Variants in SLC2A14 observed in about 807,000 individuals in gnomAD.
SLC2A14 encodes the protein solute carrier family 2, facilitated glucose transporter member 14.
A neutral mutation model predicts 43.0 loss-of-function variants in SLC2A14; 13 were observed. The ratio of observed to expected loss-of-function variants is 0.30; its 90% CI spans 0.20 to 0.48. SLC2A14 has a LOEUF of 0.48. Ranked by LOEUF, SLC2A14 falls within the 20% of genes least tolerant of loss-of-function variation. SLC2A14 has a pLI of 0.99. For synonymous variants in SLC2A14, 190 were observed against 233.8 expected, an observed-to-expected ratio of 0.81 and a Z score of 1.71; for missense variants, 428 against 620.4, an observed-to-expected ratio of 0.69 and a Z score of 3.29.
intron 1 of SLC2A14, among the ~76,000 whole-genome samples, chr12:7,886,376 T>G (rs755050926): frequency 2.5e-5 from 2 of 78,768 alleles, no homozygotes; most frequent in South Asian, 8.0e-4. Context: ...ATTTATTTAT[T>G]TATTTATTTA....
At chr12:7,826,858 C>T (rs866591571) in intron 7 of SLC2A14, among the ~76,000 whole-genome samples, 2 of 43,240 alleles carry the variant, frequency 4.6e-5, no homozygotes, top group South Asian at 7.9e-4. Context: ...TCCTTCCTTT[C>T]TTTTTTCTTT....
chr12:7,825,630 G>A (rs1864290236), intron 7 of SLC2A14, among the ~76,000 whole-genome samples: 1 of 150,574 alleles, frequency 6.6e-6, no homozygotes, highest in African/African-American at 2.4e-5. Flanking sequence ...GGGCATGGTG[G>A]CACGTGCCTG....
intron 10 of SLC2A14, among the ~76,000 whole-genome samples, chr12:7,816,068 T>C (rs1157360217): frequency 7.0e-6 from 1 of 143,374 alleles, no homozygotes; most frequent in East Asian, 2.1e-4. Context: ...ACCCAGCTAA[T>C]TTCTTGAATT....
rs765156443 is a variant in SLC2A14, at chr12:7,885,413, C to T, written c.132+5583G>A. Among the ~76,000 whole-genome samples, 6 of 151,956 alleles carry T rather than the reference C, an allele frequency of 3.9e-5. No individual in the cohort carries two copies. The South Asian group carries it at 1.0e-3, about 26-fold the overall frequency. ...CCAGGAGAGGGAGGTTGCAGTGAGC[C>T]GAGATAATGCCATGGCACTCCAGCC... On this transcript the variant is annotated intron_variant, in intron 1 of 9. Coordinates refer to the SLC2A14 transcript ENST00000539924.
At position 7,832,572 on chromosome 12, in the gene SLC2A14, C is replaced by T. The variant is rs1325925785; in HGVS notation, c.111+150G>A. On this transcript the variant is annotated intron_variant, in intron 3 of 10. Coordinates refer to ENST00000431042, the MANE Select transcript of SLC2A14 (RefSeq NM_001286234.2). Reference sequence around the variant, plus strand: ...CTCAGGATGGTGTTTAACTCCTGGGCTCAAGTGATCTTTAAGCCTCAGCCT... The same window carrying T: ...CTCAGGATGGTGTTTAACTCCTGGGTTCAAGTGATCTTTAAGCCTCAGCCT... The T allele has an allele frequency of 9.1e-6, 7 of 772,080 alleles. No individual in the cohort carries two copies. The Admixed American group carries it at 1.7e-4, about 18-fold the overall frequency. The allele number at this position is 772,080 out of a possible 1,614,324, so 47.8% of individuals were successfully genotyped here. A position where few individuals can be genotyped will look rare whatever the true frequency, so the allele number is the denominator to read the frequency against.
chr12:7,852,136 A>G (rs994643614), intron 2 of SLC2A14, among the ~76,000 whole-genome samples: 30 of 152,298 alleles, frequency 2.0e-4, no homozygotes, highest in African/African-American at 6.7e-4. Flanking sequence ...GAAGAAAAAC[A>G]GGATTACTTA....
intron 2 of SLC2A14, chr12:7,839,922 TACAAAAAAAAAAAA>T: frequency 8.7e-5 from 6 of 68,644 alleles, no homozygotes; most frequent in East Asian, 4.0e-4. Flanking sequence ...ACCCTGTCTC[TACAAAAAAAAAAAA>T]AAAAAAAAAA....
intron 1 of SLC2A14, among the ~76,000 whole-genome samples, chr12:7,881,381 C>T (rs1227703737): frequency 1.2e-4 from 18 of 151,760 alleles, no homozygotes; most frequent in Admixed American, 6.6e-5. Flanking sequence ...AGCGGCCGGC[C>T]GGCCGGCCCT....
At chr12:7,830,055 C>T in intron 4 of SLC2A14, 49 bp from the exon 5 acceptor site, 2 of 1,609,908 alleles carry the variant, frequency 1.2e-6, no homozygotes, top group African/African-American at 2.7e-5. Flanking sequence ...TGAGAGGCTC[C>T]TAACTTCTCC....
chr12:7,839,936 A>G (rs1406255491), intron 2 of SLC2A14: 1 of 224,142 alleles, frequency 4.5e-6, no homozygotes, highest in African/African-American at 6.3e-5. Context: ...AAAAAAAAAA[A>G]AAAAAAAAAA....
Position 7,829,852 on chromosome 12 carries a change from T to C in SLC2A14, c.427A>G (p.Ile143Val), listed in dbSNP as rs145971771. 1.9e-5 allele frequency: 31 copies of C among 1,614,026 alleles called. No homozygotes were observed. In the African/African-American group the frequency reaches 3.6e-4, roughly 19 times the overall value. The change falls in exon 5 of 11, where the codon ATT (isoleucine) becomes GTT (valine). Residue 143 changes from isoleucine to valine, a missense_variant. Physicochemically the swap from Ile to Val is conservative, Grantham distance 29 (BLOSUM62 3). Transcript: ENST00000431042. The part of the protein sequence containing the change: ...GLCTGFVPMY[I>V]GEISPTALRG... The stretch of plus-strand genomic sequence containing the variant: ...AGGGCAGTAGGCGAGATCTCTCCAA[T>C]GTACATGGGCACAAAACCTGTGCAG...
intron 7 of SLC2A14, among the ~76,000 whole-genome samples, chr12:7,822,393 T>C (rs1414445468): frequency 1.3e-5 from 2 of 151,482 alleles, no homozygotes; most frequent in Non-Finnish European, 2.9e-5. Flanking sequence ...GTAGGCTGGG[T>C]GCAGTGGCTC....
At chr12:7,852,599 TG>T (rs1265042387) in intron 2 of SLC2A14, among the ~76,000 whole-genome samples, 1 of 152,178 alleles carries the variant, frequency 6.6e-6, no homozygotes, top group Non-Finnish European at 1.5e-5. Flanking sequence ...TACAGAGGCT[TG>T]TCCCATGCAT....
intron 1 of SLC2A14, among the ~76,000 whole-genome samples, chr12:7,887,063 C>T (rs772769009): frequency 6.6e-6 from 1 of 151,880 alleles, no homozygotes; most frequent in Non-Finnish European, 1.5e-5. Context: ...AGGCACCCAC[C>T]ACCACGCCCG....
intron 2 of SLC2A14, among the ~76,000 whole-genome samples, chr12:7,862,062 G>T (rs1191450912): frequency 6.6e-6 from 1 of 151,162 alleles, no homozygotes; most frequent in Non-Finnish European, 1.5e-5. Context: ...TGAGGAGTTT[G>T]AGACCAGCTT....
At chr12:7,827,117 TTATTTCTTTC>T (rs1864559830) in intron 7 of SLC2A14, among the ~76,000 whole-genome samples, 1 of 136,734 alleles carries the variant, frequency 7.3e-6, no homozygotes, top group South Asian at 2.3e-4. Context: ...TTCTTTCTTT[TTATTTCTTTC>T]TATAAGGAGT....
At chr12:7,829,228 A>G (rs1033650086) in intron 5 of SLC2A14, among the ~76,000 whole-genome samples, 1 of 152,052 alleles carries the variant, frequency 6.6e-6, no homozygotes, top group Non-Finnish European at 1.5e-5. Flanking sequence ...AAAACAAAAC[A>G]AAAGTTCAGA....
At chr12:7,847,698 C>A (rs1282537377) in intron 2 of SLC2A14, among the ~76,000 whole-genome samples, 1 of 152,124 alleles carries the variant, frequency 6.6e-6, no homozygotes, top group Non-Finnish European at 1.5e-5. Flanking sequence ...CTCTCTTTTC[C>A]TTCCCCTCAT....
Position 7,814,396 on chromosome 12 carries a change from C to G in SLC2A14, c.1414G>C (p.Gly472Arg), listed in dbSNP as rs375774869. 1 of 1,613,070 alleles carries G rather than the reference C, an allele frequency of 6.2e-7. No homozygotes were observed. The highest frequency in any genetic ancestry group is 2.2e-5 in the East Asian group (1 of 44,838). The part of the protein sequence containing the change: ...ITRAFEGQAH[G>R]ADRSGKDGVM... ...CCGTCCTTCCCAGATCTATCTGCAC[C>G]GTGTGCCTGCCCTTCAAAGGCCCGT... The change falls in exon 11 of 11, where the codon GGT becomes CGT. Residue 472 changes from glycine (G) to arginine (R), a missense_variant. Around this residue, in one of 4 missense-constraint regions of SLC2A14, gnomAD observed 119 missense variants for 188.7 expected, o/e 0.63. Coordinates refer to ENST00000431042, the MANE Select transcript of SLC2A14 (RefSeq NM_001286234.2).
Sources: gnomAD v4.1 joint callset for allele counts (sites outside exome capture counted in the v4.1 genomes callset) on GRCh38, gnomAD v4.1.1 for gene constraint, gnomAD v4.1.1 regional missense constraint, MANE v1.5 for transcripts, NCBI Gene and HGNC (gene_info 2026-07-23, HGNC 2026-07-21) for gene names.